Variants in CCDC7 observed in about 807,000 individuals in gnomAD.
CCDC7 encodes coiled-coil domain containing 7.
Under a neutral mutation model 196.9 loss-of-function variants are expected in CCDC7, and 183 were observed. The ratio of observed to expected loss-of-function variants is 0.93; its 90% CI spans 0.82 to 1.05. The LOEUF is 1.05. CCDC7 is among the 50% of genes least tolerant of loss of function. The probability of loss-of-function intolerance (pLI) is 0.00; values close to 1 mark genes in which losing one functional copy is unlikely to be tolerated. For missense variants in CCDC7, 1,540 were observed against 1,482.2 expected (o/e 1.04, Z -0.64); for synonymous variants, 525 against 484.6 (o/e 1.08, Z -1.10).
At chr10:32,817,382 G>A (rs1049447041) in intron 31 of CCDC7, among the ~76,000 whole-genome samples, 6 of 152,204 alleles carry the variant, frequency 3.9e-5, no homozygotes, top group African/African-American at 1.4e-4. Flanking sequence ...GAAAGTGACA[G>A]GGAGAATGGA....
At chr10:32,454,751 G>T (rs2033930298) in intron 2 of CCDC7, among the ~76,000 whole-genome samples, 1 of 152,034 alleles carries the variant, frequency 6.6e-6, no homozygotes. Flanking sequence ...AATGGACAAA[G>T]TGATATCCTG....
intron 39 of CCDC7, 65 bp from the exon 41 acceptor site, chr10:32,851,742 G>A: frequency 2.1e-6 from 3 of 1,428,396 alleles, no homozygotes; most frequent in Non-Finnish European, 2.9e-6. Flanking sequence ...TATACTGTGT[G>A]AGTATTAAAA....
rs537103642 is a variant in CCDC7 at position 32,568,006 on chromosome 10, G to GTTGTTT, written c.1419+117_1419+118insGTTTTT. ...TAAAAATTCATGCCTCTGTTTTTGGGTTTTTTTTTTTTTTTTTTTGAGATG... is the reference window on the plus strand; with the variant it reads ...TAAAAATTCATGCCTCTGTTTTTGGGTTGTTTTTTTTTTTTTTTTTTTTTTGAGATG... On this transcript the variant is annotated intron_variant, in intron 15 of 41. Coordinates refer to ENST00000639629, the Ensembl canonical transcript of CCDC7. 4.7e-5 allele frequency: 28 copies of GTTGTTT among 598,196 alleles called. 2 individuals carry two copies. Among genetic ancestry groups the GTTGTTT allele is most frequent in the Admixed American group, 7.8e-5 (1 of 12,742 alleles). The allele number at this position is 598,196 out of a possible 1,614,324, so 37.1% of individuals were successfully genotyped here. A position where few individuals can be genotyped will look rare whatever the true frequency, so the allele number is the denominator to read the frequency against.
At chr10:32,568,125 G>T (rs755122004) in intron 15 of CCDC7, among the ~76,000 whole-genome samples, 2 of 148,630 alleles carry the variant, frequency 1.3e-5, no homozygotes, top group African/African-American at 4.9e-5. Context: ...TCCTGCCTCC[G>T]CCTCCTGAGT....
At chr10:32,472,635 C>G in intron 7 of CCDC7, 93 bp downstream of exon 8, 1 of 1,183,792 alleles carries the variant, frequency 8.4e-7, no homozygotes, top group Non-Finnish European at 1.1e-6. Flanking sequence ...CACTCTGTCA[C>G]CCATGCTGGA....
chr10:32,555,893 C>T (rs918966744), intron 13 of CCDC7, among the ~76,000 whole-genome samples: 2 of 152,196 alleles, frequency 1.3e-5, no homozygotes, highest in African/African-American at 4.8e-5. Flanking sequence ...CCAGCTGGGA[C>T]ATCTGGGACA....
At chr10:32,789,096 C>CTTTTT (rs35122018) in intron 29 of CCDC7, among the ~76,000 whole-genome samples, 3 of 124,736 alleles carry the variant, frequency 2.4e-5, no homozygotes, top group East Asian at 2.3e-4. Flanking sequence ...CGGTAAAGGG[C>CTTTTT]TTTTTTTTTT....
intron 21 of CCDC7, among the ~76,000 whole-genome samples, chr10:32,666,955 C>T (rs1457301388): frequency 3.3e-5 from 5 of 151,966 alleles, no homozygotes; most frequent in African/African-American, 9.7e-5. Flanking sequence ...TGCCACACTG[C>T]CTTCCACAAT....
At chr10:32,824,742 G>A in intron 32 of CCDC7, 138 bp downstream of exon 33, 1 of 538,406 alleles carries the variant, frequency 1.9e-6, no homozygotes, top group South Asian at 3.4e-5. Context: ...CCTATAATTA[G>A]TTGAACTCTA....
At chr10:32,851,856 A>G in exon 40 of CCDC7, 1 of 1,612,802 alleles carries the variant, frequency 6.2e-7, no homozygotes, top group Non-Finnish European at 8.5e-7. Flanking sequence ...CTTCAAAAGC[A>G]ATTTATAGAA....
intron 8 of CCDC7, among the ~76,000 whole-genome samples, chr10:32,486,419 A>C (rs971024177): frequency 6.6e-6 from 1 of 151,440 alleles, no homozygotes; most frequent in Non-Finnish European, 1.5e-5. Flanking sequence ...TTTCCTGAAT[A>C]CAGCACACTG....
At chr10:32,668,879 C>T (rs909916220) in intron 21 of CCDC7, among the ~76,000 whole-genome samples, 3 of 152,008 alleles carry the variant, frequency 2.0e-5, no homozygotes, top group Non-Finnish European at 4.4e-5. Context: ...AATTTGAATG[C>T]CTTCTGTTTC....
intron 13 of CCDC7, among the ~76,000 whole-genome samples, chr10:32,553,398 G>A (rs72795539): frequency 0.086 from 13,038 of 151,886 alleles, 882 homozygotes; most frequent in South Asian, 0.25. Flanking sequence ...ACTAACCTCC[G>A]GAATTCTTTT....
intron 18 of CCDC7, among the ~76,000 whole-genome samples, chr10:32,615,321 G>A (rs1418044379): frequency 2.0e-5 from 3 of 152,022 alleles, no homozygotes; most frequent in Admixed American, 1.3e-4. Flanking sequence ...CCTTTTCTCT[G>A]CATCCTTGCC....
upstream of CCDC7, among the ~76,000 whole-genome samples, chr10:32,443,622 A>C (rs975508167): frequency 6.6e-6 from 1 of 152,204 alleles, no homozygotes; most frequent in African/African-American, 2.4e-5. Context: ...AATTGACTTT[A>C]TATATGTGGA....
At chr10:32,879,449 C>A (rs2094710442), downstream of CCDC7, among the ~76,000 whole-genome samples, 1 of 152,046 alleles carries the variant, frequency 6.6e-6, no homozygotes, top group East Asian at 1.9e-4. Flanking sequence ...GTTCTTAGAC[C>A]TACAGCCTTA....
At chr10:32,573,533 C>T (rs567456899) in intron 16 of CCDC7, among the ~76,000 whole-genome samples, 7 of 152,162 alleles carry the variant, frequency 4.6e-5, no homozygotes, top group African/African-American at 1.4e-4. Flanking sequence ...GATAATGTTA[C>T]CTAGTGAGTT....
At chr10:32,870,745 G>C (rs1463411997) in intron 41 of CCDC7, among the ~76,000 whole-genome samples, 3 of 152,120 alleles carry the variant, frequency 2.0e-5, no homozygotes, top group Non-Finnish European at 4.4e-5. Context: ...GTCATAGATA[G>C]CTCTGATTAT....
intron 18 of CCDC7, among the ~76,000 whole-genome samples, chr10:32,628,582 G>T (rs1454841829): frequency 6.6e-6 from 1 of 151,516 alleles, no homozygotes; most frequent in African/African-American, 2.4e-5. Flanking sequence ...GTTCCCTGAC[G>T]AATAATGTTA....
Sources: allele counts gnomAD v4.1 joint callset (sites outside exome capture counted in the v4.1 genomes callset), GRCh38; gene constraint gnomAD v4.1.1; transcripts MANE v1.5; gene names NCBI Gene and HGNC (gene_info 2026-07-23, HGNC 2026-07-21).